The following ASAP1 variants were observed in gnomAD, a reference collection of about 807,000 sequenced individuals.
ASAP1 encodes the protein ArfGAP with SH3 domain, ankyrin repeat and PH domain 1, also known as arf-GAP with SH3 domain, ANK repeat and PH domain-containing protein 1.
A neutral mutation model predicts 145.2 loss-of-function variants in ASAP1; 43 were observed. The ratio of observed to expected loss-of-function variants is 0.30; its 90% confidence interval spans 0.23 to 0.38. ASAP1 has a LOEUF of 0.38. Ranked by LOEUF, ASAP1 falls within the 10% of genes least tolerant of loss-of-function variation. ASAP1 has a pLI of 1.00. For missense variants in ASAP1, 1,018 were observed against 1,355.3 expected, an observed-to-expected ratio of 0.75 and a Z score of 3.91; for synonymous variants, 546 against 515.5, an observed-to-expected ratio of 1.06 and a Z score of -0.80.
chr8:130,308,050 T>C (rs1172844851), intron 3 of ASAP1, among the ~76,000 whole-genome samples: 1 of 152,250 alleles, frequency 6.6e-6, no homozygotes. Context: ...AATTTGCTTC[T>C]AGCAAAACAT....
At chr8:130,222,110 T>A (rs145190511) in intron 4 of ASAP1, among the ~76,000 whole-genome samples, 1 of 152,172 alleles carries the variant, frequency 6.6e-6, no homozygotes, top group African/African-American at 2.4e-5. Flanking sequence ...TCCCTAGGCG[T>A]TGGCAATAAC....
intron 3 of ASAP1, among the ~76,000 whole-genome samples, chr8:130,293,023 A>G (rs1032685144): frequency 6.6e-6 from 1 of 152,248 alleles, no homozygotes; most frequent in Non-Finnish European, 1.5e-5. Context: ...GGCAAGTATT[A>G]AACAGTGAGA....
At chr8:130,390,007 TGTG>T (rs1828200408) in intron 2 of ASAP1, among the ~76,000 whole-genome samples, 1 of 152,196 alleles carries the variant, frequency 6.6e-6, no homozygotes, top group Non-Finnish European at 1.5e-5. Flanking sequence ...CAGAATCACC[TGTG>T]GTGGTTGTTA....
chr8:130,380,530 C>G (rs965299362), intron 2 of ASAP1, among the ~76,000 whole-genome samples: 1 of 152,154 alleles, frequency 6.6e-6, no homozygotes, highest in Non-Finnish European at 1.5e-5. Context: ...AGGACTCCAC[C>G]AACCGGCTGG....
At chr8:130,405,813 A>C (rs1565289131) in intron 1 of ASAP1, among the ~76,000 whole-genome samples, 1 of 152,256 alleles carries the variant, frequency 6.6e-6, no homozygotes, top group Non-Finnish European at 1.5e-5. Context: ...ATGCTCTGAG[A>C]ATGATTTTTT....
rs1826491806 is a variant in ASAP1, at chr8:130,358,473, C to T, written c.60-330G>A. ...GCGGGGGAGGGGACGCGGCTGCGCGCGGGGTCTTCGCGGGGGTCTGGGCTC... is the reference window on the plus strand; with the variant it reads ...GCGGGGGAGGGGACGCGGCTGCGCGTGGGGTCTTCGCGGGGGTCTGGGCTC... On this transcript the variant is annotated intron_variant, in intron 2 of 29. Coordinates refer to ENST00000518721, the MANE Select transcript of ASAP1 (RefSeq NM_018482.4). The surrounding 1 kb of genome is among the most constrained non-coding windows in gnomAD (Gnocchi z 4.1). Among the ~76,000 whole-genome samples, 1 of 148,192 alleles carries T rather than the reference C, an allele frequency of 6.7e-6. No homozygotes were observed. The highest frequency in any genetic ancestry group is 2.1e-4 in the South Asian group (1 of 4,808).
At chr8:130,202,915 TC>T (rs1200610218) in intron 5 of ASAP1, among the ~76,000 whole-genome samples, 1 of 152,188 alleles carries the variant, frequency 6.6e-6, no homozygotes, top group East Asian at 1.9e-4. Flanking sequence ...AGATACTAGT[TC>T]AAGACTGCAT....
In ASAP1 at chr8:130,441,212, G is replaced by A. The variant is rs1830477813; in HGVS notation, c.-28+2248C>T. ...CCCACAGGGAAGCCACTTAGCAAATGTTTCACTGGATGCATGAAAGAAAAA... is the reference window on the plus strand; with the variant it reads ...CCCACAGGGAAGCCACTTAGCAAATATTTCACTGGATGCATGAAAGAAAAA... On this transcript the variant is annotated intron_variant, in intron 1 of 29. Transcript: ENST00000518721. 2.0e-5 allele frequency among the ~76,000 whole-genome samples: 3 copies of A among 152,228 alleles called. No homozygotes were observed. In the South Asian group the frequency reaches 6.2e-4, roughly 32 times the overall value.
chr8:130,118,162 A>G lies in ASAP1; in HGVS notation c.1879T>C (p.Cys627Arg), dbSNP rs1363336879. 1.2e-6 allele frequency: 2 copies of G among 1,612,870 alleles called. No individual in the cohort carries two copies. The highest frequency in any genetic ancestry group is 2.2e-5 in the East Asian group (1 of 44,878). Residue 627 changes from cysteine (C) to arginine (R), a missense_variant and splice_region_variant, in exon 20 of 30, where the codon TGT (cysteine) becomes CGT (arginine). This residue lies in a region of ASAP1 where 353 missense variants were observed against 375.4 expected (regional missense o/e 0.94). Transcript: ENST00000518721. ...CAACAGAGAAAACAAAAACGATACC[A>G]GTTTTGTACAAGGAAGTCAACCAAA... Reference protein sequence around the residue: ...LHLVDFLVQNCGNLDKQTALG... With the variant: ...LHLVDFLVQNRGNLDKQTALG...
chr8:130,290,402 G>C (rs1821875503), intron 3 of ASAP1, among the ~76,000 whole-genome samples: 1 of 152,190 alleles, frequency 6.6e-6, no homozygotes, highest in African/African-American at 2.4e-5. Context: ...AAAGACACCA[G>C]ATTCTAACTT....
intron 4 of ASAP1, among the ~76,000 whole-genome samples, chr8:130,229,580 T>A (rs1457895194): frequency 6.6e-6 from 1 of 152,168 alleles, no homozygotes; most frequent in African/African-American, 2.4e-5. Flanking sequence ...TGAAAATAAC[T>A]AATTGAAGAC....
chr8:130,434,357 C>T (rs373013450), intron 1 of ASAP1, among the ~76,000 whole-genome samples: 1 of 152,128 alleles, frequency 6.6e-6, no homozygotes, highest in African/African-American at 2.4e-5. Flanking sequence ...AAAAATCTTG[C>T]CACTTACTAA....
Position 130,118,145 on chromosome 8 carries a change from A to T in ASAP1, c.1880+16T>A. 6.2e-7 allele frequency: 1 copy of T among 1,609,756 alleles called. No individual in the cohort carries two copies. ...GGCATATTCAGGTAATTCAACAGAG[A>T]AAACAAAAACGATACCAGTTTTGTA... On this transcript the variant is annotated intron_variant, in intron 20 of 29. Transcript: ENST00000518721.
chr8:130,396,734 G>T (rs1384183055), intron 2 of ASAP1, among the ~76,000 whole-genome samples: 2 of 152,190 alleles, frequency 1.3e-5, no homozygotes, highest in Non-Finnish European at 2.9e-5. Context: ...CAGCCAAAAA[G>T]GGACATCAGC....
chr8:130,278,378 G>T (rs1164413261), intron 3 of ASAP1, among the ~76,000 whole-genome samples: 1 of 145,438 alleles, frequency 6.9e-6, no homozygotes, highest in Non-Finnish European at 1.5e-5. Context: ...TGTGCTAAAT[G>T]AAAAAAAAAA....
intron 11 of ASAP1, among the ~76,000 whole-genome samples, chr8:130,161,030 G>A (rs2097668054): frequency 6.6e-6 from 1 of 152,114 alleles, no homozygotes; most frequent in African/African-American, 2.4e-5. Context: ...TATGGCGTGA[G>A]AACAGAAACA....
rs143143449 is a variant in ASAP1 at position 130,207,694 on chromosome 8, C to T, written c.405+6862G>A. 9.5e-4 allele frequency among the ~76,000 whole-genome samples: 144 copies of T among 152,250 alleles called. 2 individuals carry two copies. The highest frequency in any genetic ancestry group is 3.2e-3 in the African/African-American group (135 of 41,556). On this transcript the variant is annotated intron_variant, in intron 5 of 29. Transcript: ENST00000518721. ...AAAACCCATGCACTTGTAAGTATGC[C>T]ACAAATATAGTAAAAACAACAGCAA...
chr8:130,314,802 C>T (rs552869145), intron 3 of ASAP1, among the ~76,000 whole-genome samples: 6 of 152,304 alleles, frequency 3.9e-5, no homozygotes, highest in East Asian at 1.9e-4. Flanking sequence ...TAGATGTGGT[C>T]GGGATGTGCA....
intron 1 of ASAP1, among the ~76,000 whole-genome samples, chr8:130,412,896 G>A (rs1310032304): frequency 2.0e-5 from 3 of 152,074 alleles, no homozygotes; most frequent in East Asian, 1.9e-4. Context: ...CACCCACCTC[G>A]GCCTCCCAAA....
Sources: gnomAD v4.1 joint callset for allele counts (sites outside exome capture counted in the v4.1 genomes callset) on GRCh38, gnomAD v4.1.1 for gene constraint, gnomAD v4.1.1 regional missense constraint, Gnocchi (gnomAD v3.1) non-coding constraint, MANE v1.5 for transcripts, NCBI Gene and HGNC (gene_info 2026-07-23, HGNC 2026-07-21) for gene names.